Variants in RFT1 observed in about 807,000 individuals in gnomAD.
RFT1 encodes RFT1 glycolipid translocator homolog, also known as man(5)GlcNAc(2)-PP-dolichol translocation protein RFT1.
Under a neutral mutation model 62.2 loss-of-function variants are expected in RFT1, and 43 were observed. The observed-to-expected ratio is 0.69, with a 90% CI of 0.54 to 0.89. The LOEUF (loss-of-function observed/expected upper bound fraction) is 0.89, where lower values mean the gene tolerates loss of function less well. Among genes scored for constraint, RFT1 ranks in the 40% least tolerant of loss-of-function variants. RFT1 has a pLI of 0.00. For synonymous variants in RFT1, 262 were observed against 264.6 expected (o/e 0.99, Z 0.10); for missense variants, 605 against 649.9 (o/e 0.93, Z 0.75).
chr3:53,093,709 C>A (rs950241805), intron 11 of RFT1, among the ~76,000 whole-genome samples: 2 of 151,616 alleles, frequency 1.3e-5, no homozygotes, highest in African/African-American at 2.4e-5. Flanking sequence ...AGCTAGTAGA[C>A]CCCCGTCTCT....
At chr3:53,086,887 C>A (rs1294819170), downstream of RFT1, among the ~76,000 whole-genome samples, 1 of 152,202 alleles carries the variant, frequency 6.6e-6, no homozygotes. Flanking sequence ...AAGCCCCCTG[C>A]ACACCCGTCT....
chr3:53,103,749 T>C (rs1369691073), intron 10 of RFT1: 11 of 627,456 alleles, frequency 1.8e-5, no homozygotes, highest in African/African-American at 5.5e-5. Flanking sequence ...GGGAAGCTGA[T>C]TGTCCTGGCG....
chr3:53,121,839 T>C (rs770618108), intron 4 of RFT1, 39 bp from the exon 5 acceptor site: 1 of 1,520,494 alleles, frequency 6.6e-7, no homozygotes, highest in Non-Finnish European at 9.0e-7. Context: ...ACAAACATCA[T>C]CAAAAAGTCA....
chr3:53,097,555 CAATAT>C (rs1464225399), intron 11 of RFT1, among the ~76,000 whole-genome samples: 4 of 152,176 alleles, frequency 2.6e-5, no homozygotes, highest in African/African-American at 9.7e-5. Context: ...TGGTTCAATA[CAATAT>C]AAGAGAAAAG....
At chr3:53,106,900 T>G (rs763598543) in intron 7 of RFT1, 31 bp from the exon 8 acceptor site, 1 of 1,520,170 alleles carries the variant, frequency 6.6e-7, no homozygotes, top group Non-Finnish European at 9.1e-7. Context: ...TAATTAGCAA[T>G]GTCAAATGCA....
At position 53,122,566 on chromosome 3, in the gene RFT1, A is replaced by G. The variant is rs778876601; in HGVS notation, c.267-3T>C. 1.7e-5 allele frequency: 27 copies of G among 1,565,030 alleles called. No homozygotes were observed. The Middle Eastern group carries it at 5.1e-4, about 30-fold the overall frequency. Reference sequence around the variant, plus strand: ...ACCAAAACACACCCAGGGGGACTCTAGAAGAGGAGAAAAAAATAATTCACT... The same window carrying G: ...ACCAAAACACACCCAGGGGGACTCTGGAAGAGGAGAAAAAAATAATTCACT... On this transcript the variant is annotated splice_region_variant and splice_polypyrimidine_tract_variant and intron_variant, in intron 3 of 12. Transcript: ENST00000296292.
At chr3:53,075,723 C>T in the RFT1 span, among the ~76,000 whole-genome samples, 1 of 152,144 alleles carries the variant, frequency 6.6e-6, no homozygotes, top group Non-Finnish European at 1.5e-5. Context: ...TCATGCATTC[C>T]CTAGGGCTGA....
At position 53,128,927 on chromosome 3, in the gene RFT1, A is replaced by T. The variant is rs1702185036; in HGVS notation, c.63+1411T>A. Among the ~76,000 whole-genome samples the T allele has an allele frequency of 2.0e-5, 3 of 152,390 alleles. No individual in the cohort carries two copies. The South Asian group carries it at 6.2e-4, about 32-fold the overall frequency. On this transcript the variant is annotated intron_variant, in intron 1 of 12. Transcript: ENST00000296292. ...AGGGTTAAGTGATTTCCTCACTGTC[A>T]CACGGCAAGTAAATGACCCAGCTTG...
In RFT1 at chr3:53,125,979, T is replaced by C; in HGVS notation, c.79A>G (p.Ile27Val). Residue 27 changes from isoleucine (I) to valine (V), a missense_variant, in exon 2 of 13, where the codon ATC (isoleucine) becomes GTC (valine). Transcript: ENST00000296292. ...GLLLQVLFRL[I>V]TFVLNAFILR... ...ATAAATGCATTCAAGACAAAGGTGA[T>C]CAACCGAAACAACACCTATAGAAAA... The C allele has an allele frequency of 1.9e-6, 3 of 1,613,488 alleles. 1 individual carries two copies. The South Asian group carries it at 3.3e-5, about 18-fold the overall frequency.
chr3:53,124,531 C>T (rs910118535), intron 2 of RFT1, among the ~76,000 whole-genome samples: 1 of 152,168 alleles, frequency 6.6e-6, no homozygotes, highest in African/African-American at 2.4e-5. Context: ...GGAGATGGAA[C>T]CAAACCTTAA....
chr3:53,084,599 C>T (rs1199410445), downstream of RFT1, among the ~76,000 whole-genome samples: 1 of 152,208 alleles, frequency 6.6e-6, no homozygotes, highest in Admixed American at 6.5e-5. Context: ...AGCTCCCGAG[C>T]CTGTTCCAAG....
the RFT1 span, among the ~76,000 whole-genome samples, chr3:53,067,813 A>G: frequency 6.6e-6 from 1 of 152,214 alleles, no homozygotes; most frequent in African/African-American, 2.4e-5. Flanking sequence ...CCTCCTGGTC[A>G]GTGATAATGG....
the RFT1 span, among the ~76,000 whole-genome samples, chr3:53,067,578 T>C: frequency 0.012 from 1,899 of 152,278 alleles, 111 homozygotes; most frequent in South Asian, 0.16. Context: ...TACACAGGTG[T>C]GCACCTATGT....
chr3:53,094,438 T>C (rs1340177499), intron 11 of RFT1, among the ~76,000 whole-genome samples: 1 of 151,340 alleles, frequency 6.6e-6, no homozygotes, highest in African/African-American at 2.4e-5. Flanking sequence ...TCATCCGGAG[T>C]TCCAGAGAGG....
chr3:53,080,592 G>C, the RFT1 span, among the ~76,000 whole-genome samples: 1 of 152,166 alleles, frequency 6.6e-6, no homozygotes, highest in Non-Finnish European at 1.5e-5. Context: ...AACGATTCCA[G>C]GGACCACAGT....
At chr3:53,070,391 T>TG in the RFT1 span, among the ~76,000 whole-genome samples, 46,463 of 109,528 alleles carry the variant, frequency 0.42, 13,716 homozygotes, top group East Asian at 0.68. Flanking sequence ...CCCTGTATTA[T>TG]GGTTTTTTTT....
intron 2 of RFT1, among the ~76,000 whole-genome samples, 181 bp from the exon 3 acceptor site, chr3:53,124,021 G>A (rs961327384): frequency 6.6e-6 from 1 of 152,224 alleles, no homozygotes; most frequent in Non-Finnish European, 1.5e-5. Flanking sequence ...TAATGAGTTA[G>A]GAACCAAATG....
the RFT1 span, among the ~76,000 whole-genome samples, chr3:53,083,000 A>T: frequency 6.6e-6 from 1 of 151,900 alleles, no homozygotes; most frequent in Non-Finnish European, 1.5e-5. Flanking sequence ...GTTCAAGACC[A>T]GCCTGGCCAA....
At chr3:53,107,626 A>T (rs1701523793) in intron 7 of RFT1, among the ~76,000 whole-genome samples, 1 of 151,266 alleles carries the variant, frequency 6.6e-6, no homozygotes, top group Non-Finnish European at 1.5e-5. Context: ...CTGGCAAGGC[A>T]TTAGACTGTC....
Sources: allele counts gnomAD v4.1 joint callset (sites outside exome capture counted in the v4.1 genomes callset), GRCh38; gene constraint gnomAD v4.1.1; transcripts MANE v1.5; gene names NCBI Gene and HGNC (gene_info 2026-07-23, HGNC 2026-07-21).